SUPT3H: variants seen among roughly 807,000 people sequenced by gnomAD.
SUPT3H encodes the protein SPT3 homolog, SAGA and STAGA complex component, also known as transcription initiation protein SPT3 homolog.
In SUPT3H, 44 loss-of-function variants were observed where a neutral mutation model predicts 44.3. The observed-to-expected ratio is 0.99, with a 90% CI of 0.78 to 1.28. The LOEUF (loss-of-function observed/expected upper bound fraction) is 1.28, where lower values mean the gene tolerates loss of function less well. SUPT3H is among the 50% of genes most tolerant of loss of function. SUPT3H has a pLI of 0.00. For synonymous variants in SUPT3H, 124 were observed against 125.6 expected, an observed-to-expected ratio of 0.99 and a Z score of 0.09; for missense variants, 380 against 387.1, an observed-to-expected ratio of 0.98 and a Z score of 0.15.
At chr6:44,880,902 G>A (rs1016942942) in intron 10 of SUPT3H, among the ~76,000 whole-genome samples, 1 of 152,060 alleles carries the variant, frequency 6.6e-6, no homozygotes, top group African/African-American at 2.4e-5. Flanking sequence ...CCAGGCCTAC[G>A]TTACAAGAGC....
intron 10 of SUPT3H, among the ~76,000 whole-genome samples, chr6:44,925,973 G>A (rs1769455661): frequency 1.3e-5 from 2 of 151,888 alleles, no homozygotes; most frequent in African/African-American, 2.4e-5. Context: ...AGACCCTGAG[G>A]CCCTTCCTCA....
At chr6:44,830,408 T>C (rs1328164568) in intron 10 of SUPT3H, among the ~76,000 whole-genome samples, 1 of 152,186 alleles carries the variant, frequency 6.6e-6, no homozygotes, top group Non-Finnish European at 1.5e-5. Context: ...GCAAATCTTA[T>C]ATAATTTTAT....
At chr6:45,242,479 G>A (rs565932671) in intron 2 of SUPT3H, among the ~76,000 whole-genome samples, 8 of 152,286 alleles carry the variant, frequency 5.3e-5, no homozygotes, top group Non-Finnish European at 7.4e-5. Context: ...GCTTGAAGAT[G>A]AACATTCTCA....
chr6:45,339,117 C>T (rs890747426), intron 2 of SUPT3H, among the ~76,000 whole-genome samples: 2 of 151,968 alleles, frequency 1.3e-5, no homozygotes. Context: ...GGCCTTATTG[C>T]TTGACTATAA....
At chr6:44,853,728 T>A (rs1756422131) in intron 10 of SUPT3H, among the ~76,000 whole-genome samples, 1 of 151,864 alleles carries the variant, frequency 6.6e-6, no homozygotes. Context: ...GAGTAGTGGT[T>A]TAGGGGCTTC....
chr6:45,180,806 G>T (rs9381370), intron 2 of SUPT3H, among the ~76,000 whole-genome samples: 2 of 149,552 alleles, frequency 1.3e-5, no homozygotes, highest in African/African-American at 5.0e-5. Context: ...ACATAGGCAT[G>T]GGCAAGGACT....
intron 10 of SUPT3H, among the ~76,000 whole-genome samples, chr6:44,834,067 CA>C (rs1769356986): frequency 1.3e-5 from 2 of 152,226 alleles, no homozygotes; most frequent in African/African-American, 4.8e-5. Context: ...TTAAAAGACA[CA>C]GATGCTGTAG....
At chr6:45,178,134 A>G (rs1250910724) in intron 2 of SUPT3H, among the ~76,000 whole-genome samples, 1 of 152,178 alleles carries the variant, frequency 6.6e-6, no homozygotes, top group African/African-American at 2.4e-5. Flanking sequence ...CAAATTGGAT[A>G]AAGAGTCAAG....
At position 44,839,921 on chromosome 6, in the gene SUPT3H, C is replaced by T. The variant is rs1002045180; in HGVS notation, c.913-10064G>A. Among the ~76,000 whole-genome samples, 5 of 151,996 alleles carry T rather than the reference C, an allele frequency of 3.3e-5. No individual in the cohort carries two copies. In the South Asian group the frequency reaches 6.3e-4, roughly 19 times the overall value. ...TTCACCGTGTTAGCCAGGATGGTCT[C>T]GATCTCCTGACCTCGTGATCCGCCC... is the stretch of plus-strand genomic sequence containing the variant. On this transcript the variant is annotated intron_variant, in intron 10 of 10. Coordinates refer to ENST00000371459, the MANE Select transcript of SUPT3H (RefSeq NM_003599.4).
At chr6:45,321,880 T>G (rs1277455147) in intron 2 of SUPT3H, 1 of 1,576,168 alleles carries the variant, frequency 6.3e-7, no homozygotes, top group South Asian at 1.2e-5. Context: ...AGAATCTGTT[T>G]TCCCTATGAA....
At chr6:45,148,343 A>T (rs1023324735) in intron 2 of SUPT3H, among the ~76,000 whole-genome samples, 1 of 152,178 alleles carries the variant, frequency 6.6e-6, no homozygotes, top group African/African-American at 2.4e-5. Flanking sequence ...AGAGTTAAGT[A>T]ATGTGCAAAG....
intron 2 of SUPT3H, among the ~76,000 whole-genome samples, chr6:45,331,546 C>A (rs75657218): frequency 6.6e-6 from 1 of 151,904 alleles, no homozygotes; most frequent in Non-Finnish European, 1.5e-5. Flanking sequence ...ATCACTCTAA[C>A]ACATATCAAA....
At chr6:45,372,018 G>A (rs1450872448) in intron 1 of SUPT3H, 1 of 950,016 alleles carries the variant, frequency 1.1e-6, no homozygotes, top group Non-Finnish European at 1.3e-6. Flanking sequence ...ATACATCAAA[G>A]AATATACAAA....
intron 10 of SUPT3H, among the ~76,000 whole-genome samples, chr6:44,920,810 C>T (rs1256324563): frequency 6.6e-6 from 1 of 152,138 alleles, no homozygotes; most frequent in African/African-American, 2.4e-5. Flanking sequence ...TCCAGTTCCT[C>T]ATCTTTGCCT....
intron 2 of SUPT3H, among the ~76,000 whole-genome samples, chr6:45,166,391 A>G (rs1809853548): frequency 6.6e-6 from 1 of 152,078 alleles, no homozygotes; most frequent in Non-Finnish European, 1.5e-5. Flanking sequence ...GATTAAGACC[A>G]TCCTGGCTAA....
At chr6:44,823,203 T>C (rs1767482427), downstream of SUPT3H, among the ~76,000 whole-genome samples, 1 of 152,082 alleles carries the variant, frequency 6.6e-6, no homozygotes, top group Non-Finnish European at 1.5e-5. Context: ...ATTCAAGACT[T>C]GCCCTCAAGA....
chr6:45,200,166 T>C (rs1323454449), intron 2 of SUPT3H, among the ~76,000 whole-genome samples: 1 of 151,588 alleles, frequency 6.6e-6, no homozygotes, highest in Non-Finnish European at 1.5e-5. Flanking sequence ...TTAGTAACAA[T>C]ACTCAGTGTA....
At chr6:44,870,577 T>A (rs1217180889) in intron 10 of SUPT3H, among the ~76,000 whole-genome samples, 2 of 136,638 alleles carry the variant, frequency 1.5e-5, no homozygotes, top group Admixed American at 1.6e-4. Context: ...CCAGCCTGGG[T>A]GACAGAGTGA....
At chr6:45,180,940 A>C (rs1027329186) in intron 2 of SUPT3H, among the ~76,000 whole-genome samples, 4 of 150,846 alleles carry the variant, frequency 2.7e-5, no homozygotes, top group African/African-American at 9.7e-5. Flanking sequence ...CAACCTACAA[A>C]ATGGGAGAAA....
Sources: allele counts gnomAD v4.1 joint callset (sites outside exome capture counted in the v4.1 genomes callset), GRCh38; gene constraint gnomAD v4.1.1; transcripts MANE v1.5; gene names NCBI Gene and HGNC (gene_info 2026-07-23, HGNC 2026-07-21).